The following C8G variants were observed in gnomAD, a reference collection of about 807,000 sequenced individuals.
C8G encodes the protein complement C8 gamma chain.
C8G carries 38 observed loss-of-function variants against 29.1 expected under a neutral mutation model. The observed-to-expected ratio is 1.31, with a 90% CI of 1.01 to 1.71. The LOEUF is 1.71. Ranked by LOEUF, C8G falls within the 40% of genes most tolerant of loss-of-function variation. The pLI is 0.00. For missense variants in C8G, 300 were observed against 267.4 expected, an observed-to-expected ratio of 1.12 and a Z score of -0.85; for synonymous variants, 158 against 113.2, an observed-to-expected ratio of 1.40 and a Z score of -2.51.
At position 136,946,145 on chromosome 9, in the gene C8G, C is replaced by G. The variant is rs201923558; in HGVS notation, c.407C>G (p.Ala136Gly). Reference sequence around the variant, plus strand: ...GCTGAGACCGACTACCAGAGTTTCGCTGTCCTGTACCTGGAGCGGGCGGGG... The same window carrying G: ...GCTGAGACCGACTACCAGAGTTTCGGTGTCCTGTACCTGGAGCGGGCGGGG... ...VVAETDYQSF[A>G]VLYLERAGQL... Residue 136 changes from alanine to glycine, a missense_variant, in exon 4 of 7, where the codon GCT becomes GGT. Coordinates refer to ENST00000371634, the MANE Select transcript of C8G (RefSeq NM_000606.3). The G allele has an allele frequency of 1.6e-5, 26 of 1,579,718 alleles. No individual in the cohort carries two copies. The East Asian group carries it at 5.6e-4, about 34-fold the overall frequency.
At chr9:136,946,732 G>A (rs764685063) in intron 6 of C8G, 36 bp from the exon 7 acceptor site, 1 of 1,608,998 alleles carries the variant, frequency 6.2e-7, no homozygotes. Context: ...GGTGAGGGGG[G>A]CCACTGCCAC....
At position 136,946,128 on chromosome 9, in the gene C8G, C is replaced by T. The variant is rs20574; in HGVS notation, c.390C>T (p.Thr130=). The change falls in exon 4 of 7, where the codon ACC becomes ACT. Residue 130 remains threonine (T), a synonymous_variant. Coordinates refer to ENST00000371634, the MANE Select transcript of C8G (RefSeq NM_000606.3). Reference sequence around the variant, plus strand: ...CTGTGCACGTGGTTGTCGCTGAGACCGACTACCAGAGTTTCGCTGTCCTGT... The same window carrying T: ...CTGTGCACGTGGTTGTCGCTGAGACTGACTACCAGAGTTTCGCTGTCCTGT... The part of the protein sequence containing the change: ...RGAVHVVVAE[T]DYQSFAVLYL... 0.14 allele frequency: 221,083 copies of T among 1,584,360 alleles called. 16,610 individuals carry two copies. The highest frequency in any genetic ancestry group is 0.19 in the African/African-American group (13,970 of 74,238).
In C8G at chr9:136,946,144, G is replaced by A. The variant is rs56188501; in HGVS notation, c.406G>A (p.Ala136Thr). 696 of 1,583,010 alleles carry A rather than the reference G, an allele frequency of 4.4e-4. 1 individual carries two copies. The highest frequency in any genetic ancestry group is 9.7e-4 in the Admixed American group (56 of 57,672). The change falls in exon 4 of 7, where the codon GCT becomes ACT. Residue 136 changes from alanine to threonine, a missense_variant. Transcript: ENST00000371634. ...VVAETDYQSF[A>T]VLYLERAGQL... ...CGCTGAGACCGACTACCAGAGTTTC[G>A]CTGTCCTGTACCTGGAGCGGGCGGG...
rs769864515 is a variant in C8G, at chr9:136,945,314, C to T, written c.-7C>T. 6.0e-5 allele frequency: 96 copies of T among 1,596,660 alleles called. No homozygotes were observed. The highest frequency in any genetic ancestry group is 7.4e-5 in the Non-Finnish European group (86 of 1,169,316). On this transcript the variant is annotated 5_prime_UTR_variant, in exon 1 of 7. Coordinates refer to ENST00000371634, the MANE Select transcript of C8G (RefSeq NM_000606.3). ...TCCCACAGTCCTGCCACCCTGCTGC[C>T]GCCACCATGCTGCCCCCTGGGACTG...
Position 136,945,407 on chromosome 9 carries a change from C to T in C8G, c.87C>T (p.Pro29=), listed in dbSNP as rs147142508. 202 of 1,602,760 alleles carry T rather than the reference C, an allele frequency of 1.3e-4. 2 individuals are homozygous for T. The highest frequency in any genetic ancestry group is 1.2e-3 in the South Asian group (111 of 89,294). ...AGAAGCCTCAGAGGCCACGCCGGCC[C>T]GCATCCCCCATCAGCACCATCCAGC... ...LGQKPQRPRR[P]ASPISTIQPK... The change falls in exon 1 of 7, where the codon CCC becomes CCT. Residue 29 remains proline, a synonymous_variant. Transcript: ENST00000371634.
rs141179395 is a variant in C8G, at chr9:136,946,258, C to T, written c.454+66C>T. 122 of 1,444,814 alleles carry T rather than the reference C, an allele frequency of 8.4e-5. No individual in the cohort carries two copies. The East Asian group carries it at 2.6e-3, about 31-fold the overall frequency. The allele number at this position is 1,444,814 out of a possible 1,614,324, so 89.5% of individuals were successfully genotyped here. A position where few individuals can be genotyped will look rare whatever the true frequency, so the allele number is the denominator to read the frequency against. ...GCTCTGCACACTCACTGGGCCACCC[C>T]GAGGGGCTGGGTGAGCCCATGGGGA... On this transcript the variant is annotated intron_variant, in intron 4 of 6. Transcript: ENST00000371634.
At chr9:136,945,560 G>T in intron 1 of C8G, 74 bp from the exon 2 acceptor site, 5 of 1,566,378 alleles carry the variant, frequency 3.2e-6, no homozygotes, top group Non-Finnish European at 4.3e-6. Flanking sequence ...AGGTGAAGTT[G>T]TGGGGGGTGT....
At chr9:136,945,481 G>A (rs761389352) in intron 1 of C8G, 23 bp downstream of exon 1, 7 of 1,558,134 alleles carry the variant, frequency 4.5e-6, no homozygotes, top group Non-Finnish European at 4.3e-6. Flanking sequence ...GGGGGTAGAG[G>A]GAGGCAGGTA....
At position 136,945,425 on chromosome 9, in the gene C8G, C is replaced by T. The variant is rs766814354; in HGVS notation, c.105C>T (p.Thr35=). The T allele has an allele frequency of 1.8e-5, 29 of 1,589,528 alleles. No homozygotes were observed. In the Admixed American group the frequency reaches 4.1e-4, roughly 23 times the overall value. Reference sequence around the variant, plus strand: ...GCCGGCCCGCATCCCCCATCAGCACCATCCAGCCCAAGGCCAATTTTGATG... The same window carrying T: ...GCCGGCCCGCATCCCCCATCAGCACTATCCAGCCCAAGGCCAATTTTGATG... ...RPRRPASPIS[T]IQPKANFDAQ... The change falls in exon 1 of 7, where the codon ACC becomes ACT. Residue 35 remains threonine (T), a synonymous_variant. Coordinates refer to ENST00000371634, the MANE Select transcript of C8G (RefSeq NM_000606.3).
Position 136,945,292 on chromosome 9 carries a change from C to G in C8G, c.-29C>G. On this transcript the variant is annotated 5_prime_UTR_variant, in exon 1 of 7. Transcript: ENST00000371634. ...CTTGGTGGTGCTACCCTTGGCCTCC[C>G]ACAGTCCTGCCACCCTGCTGCCGCC... The G allele has an allele frequency of 4.4e-6, 7 of 1,574,410 alleles. No individual in the cohort carries two copies. The highest frequency in any genetic ancestry group is 6.1e-6 in the Non-Finnish European group (7 of 1,156,648).
In C8G at chr9:136,946,882, A is replaced by AG; in HGVS notation, c.*104dup. ...TCCTCCGTGAAACCAGCCTCAGATCAGGGCCCTGCCACCCAGGGCAGGGGA... is the reference window on the plus strand; with the variant it reads ...TCCTCCGTGAAACCAGCCTCAGATCAGGGGCCCTGCCACCCAGGGCAGGGGA... On this transcript the variant is annotated 3_prime_UTR_variant, in exon 7 of 7. Transcript: ENST00000371634. The AG allele has an allele frequency of 1.4e-6, 2 of 1,435,070 alleles. No individual in the cohort carries two copies. The highest frequency in any genetic ancestry group is 1.9e-6 in the Non-Finnish European group (2 of 1,055,642). The allele number at this position is 1,435,070 out of a possible 1,614,324, so 88.9% of individuals were successfully genotyped here.
intron 6 of C8G, 23 bp downstream of exon 6, chr9:136,946,712 A>G (rs1181212217): frequency 6.2e-7 from 1 of 1,610,898 alleles, no homozygotes; most frequent in East Asian, 2.2e-5. Context: ...CGGGGCAAGC[A>G]TGGCGGCGTG....
rs1157811992 is a variant in C8G at position 136,946,487 on chromosome 9, C to A, written c.477C>A (p.Asp159Glu). ...CAGCCCGCTCGCTCCCTGTGAGCGA[C>A]TCGGTCCTGAGTGGGTTTGAGCAGC... Reference protein sequence around the residue: ...KLYARSLPVSDSVLSGFEQRV... With the variant: ...KLYARSLPVSESVLSGFEQRV... The change falls in exon 5 of 7, where the codon GAC (aspartate) becomes GAA (glutamate). Residue 159 changes from aspartate to glutamate, a missense_variant. Asp to Glu is a conservative substitution (Grantham distance 45). Coordinates refer to ENST00000371634, the MANE Select transcript of C8G (RefSeq NM_000606.3). 4 of 1,611,446 alleles carry A rather than the reference C, an allele frequency of 2.5e-6. No homozygotes were observed. In the African/African-American group the frequency reaches 4.0e-5, roughly 16 times the overall value.
chr9:136,946,197 G>A lies in C8G; in HGVS notation c.454+5G>A. ...AGCTGTCAGTGAAGCTCTACGGTAT[G>A]TGGGGGCCAGCCTCTGTGACCAGGC... On this transcript the variant is annotated splice_donor_5th_base_variant and intron_variant, in intron 4 of 6. Coordinates refer to ENST00000371634, the MANE Select transcript of C8G (RefSeq NM_000606.3). 1 of 1,551,662 alleles carries A rather than the reference G, an allele frequency of 6.4e-7. No individual in the cohort carries two copies. The highest frequency in any genetic ancestry group is 8.7e-7 in the Non-Finnish European group (1 of 1,148,696).
intron 1 of C8G, 48 bp from the exon 2 acceptor site, chr9:136,945,585 GA>G: frequency 6.3e-7 from 1 of 1,591,888 alleles, no homozygotes; most frequent in Non-Finnish European, 8.6e-7. Flanking sequence ...GGAAGCAGGT[GA>G]GGGGCCCTCC....
At chr9:136,946,227 G>A (rs1469639858) in intron 4 of C8G, 35 bp downstream of exon 4, 12 of 1,508,570 alleles carry the variant, frequency 8.0e-6, no homozygotes, top group African/African-American at 2.8e-5. Flanking sequence ...CCAGGCAGGC[G>A]CTCAAGCTCT....
In C8G at chr9:136,945,606, C is replaced by T. The variant is rs561083262; in HGVS notation, c.139-28C>T. ...AGGTGAGGGGCCCTCCCACAGTGCC[C>T]TCGAGTTCTCCCATGGTCTGCCCCC... On this transcript the variant is annotated intron_variant, in intron 1 of 6. Transcript: ENST00000371634. 3.7e-4 allele frequency: 594 copies of T among 1,602,162 alleles called. 10 individuals are homozygous for T. The South Asian group carries it at 6.2e-3, about 17-fold the overall frequency.
intron 1 of C8G, 44 bp from the exon 2 acceptor site, chr9:136,945,590 G>C: frequency 6.3e-7 from 1 of 1,594,206 alleles, no homozygotes; most frequent in Admixed American, 1.7e-5. Flanking sequence ...CAGGTGAGGG[G>C]CCCTCCCACA....
chr9:136,946,198 T>TG lies in C8G; in HGVS notation c.454+11dup. ...GCTGTCAGTGAAGCTCTACGGTATG[T>TG]GGGGGCCAGCCTCTGTGACCAGGCA... On this transcript the variant is annotated splice_region_variant and intron_variant, in intron 4 of 6. Coordinates refer to ENST00000371634, the MANE Select transcript of C8G (RefSeq NM_000606.3). The TG allele has an allele frequency of 6.4e-7, 1 of 1,551,304 alleles. No individual in the cohort carries two copies. The highest frequency in any genetic ancestry group is 8.7e-7 in the Non-Finnish European group (1 of 1,148,528).
Sources: gnomAD v4.1 joint callset for allele counts on GRCh38, gnomAD v4.1.1 for gene constraint, MANE v1.5 for transcripts, NCBI Gene and HGNC (gene_info 2026-07-23, HGNC 2026-07-21) for gene names.